DACH2: variants seen among roughly 807,000 people sequenced by gnomAD.
The protein encoded by DACH2 is dachshund family transcription factor 2.
DACH2 carries 17 observed loss-of-function variants against 35.8 expected under a neutral mutation model. The observed-to-expected ratio is 0.48, with a 90% CI of 0.33 to 0.71. DACH2 has a LOEUF of 0.71. DACH2 is among the 30% of genes least tolerant of loss of function. The probability of loss-of-function intolerance (pLI) is 0.02; values close to 1 mark genes in which losing one functional copy is unlikely to be tolerated. For missense variants in DACH2, 469 were observed against 472.7 expected, an observed-to-expected ratio of 0.99 and a Z score of 0.07; for synonymous variants, 195 against 177.3, an observed-to-expected ratio of 1.10 and a Z score of -0.79.
intron 3 of DACH2, among the ~76,000 whole-genome samples, chrX:86,608,985 T>A (rs1376004074): frequency 9.0e-6 from 1 of 111,553 alleles, no homozygotes; most frequent in Non-Finnish European, 1.9e-5. Flanking sequence ...TTCTATAATA[T>A]CCTTGTGCTT....
intron 3 of DACH2, among the ~76,000 whole-genome samples, chrX:86,610,422 C>CTTTCTTTCTTTCTTTCTTTCTT (rs1569452360): frequency 2.0e-4 from 9 of 45,877 alleles, no homozygotes; most frequent in African/African-American, 3.1e-4. Context: ...TCTTTCTTTT[C>CTTTCTTTCTTTCTTTCTTTCTT]TTTCTTTCTT....
At chrX:86,188,692 T>A (rs1230480765) in intron 1 of DACH2, among the ~76,000 whole-genome samples, 1 of 110,932 alleles carries the variant, frequency 9.0e-6, no homozygotes, top group East Asian at 2.9e-4. Flanking sequence ...AAGCAAGAGG[T>A]TGGAGTGATG....
chrX:86,650,962 AC>A, intron 3 of DACH2, 73 bp from the exon 4 acceptor site: 1 of 958,799 alleles, frequency 1.0e-6, no homozygotes. Flanking sequence ...CTGCACTTGT[AC>A]CCCCAAATCT....
chrX:86,734,671 A>G (rs2041576130), intron 6 of DACH2, among the ~76,000 whole-genome samples: 1 of 111,653 alleles, frequency 9.0e-6, no homozygotes, highest in African/African-American at 3.2e-5. Flanking sequence ...GAATTGGTTC[A>G]TAAAGATCCA....
At chrX:86,252,466 A>G (rs748228963) in intron 1 of DACH2, among the ~76,000 whole-genome samples, 70 of 111,456 alleles carry the variant, frequency 6.3e-4, no homozygotes, top group Non-Finnish European at 1.0e-3. Context: ...TATAATTTTT[A>G]TAGGCTTAGG....
chrX:86,414,930 T>C (rs901664428), intron 2 of DACH2, among the ~76,000 whole-genome samples: 1 of 111,674 alleles, frequency 9.0e-6, no homozygotes, highest in Non-Finnish European at 1.9e-5. Context: ...ACAGGACTTA[T>C]AGGACTCAAA....
chrX:86,627,541 A>G (rs1364960127), intron 3 of DACH2, among the ~76,000 whole-genome samples: 1 of 111,798 alleles, frequency 8.9e-6, no homozygotes, highest in Non-Finnish European at 1.9e-5. Flanking sequence ...AGCTTAATTT[A>G]GGTACTGTCT....
chrX:86,212,894 C>A (rs1401325798), intron 1 of DACH2, among the ~76,000 whole-genome samples: 1 of 111,127 alleles, frequency 9.0e-6, no homozygotes, highest in Non-Finnish European at 1.9e-5. Flanking sequence ...ACCCAGGAGG[C>A]ACAAAAGTCA....
chrX:86,209,848 G>A (rs760326211), intron 1 of DACH2, among the ~76,000 whole-genome samples: 2 of 110,968 alleles, frequency 1.8e-5, no homozygotes, highest in Non-Finnish European at 3.8e-5. Flanking sequence ...ACAACAGAGT[G>A]ATAAATATAG....
chrX:86,538,455 C>A lies in DACH2; in HGVS notation c.640+24064C>A, dbSNP rs190548408. Among the ~76,000 whole-genome samples the A allele has an allele frequency of 2.7e-5, 3 of 111,852 alleles. No individual in the cohort carries two copies. The East Asian group carries it at 8.4e-4, about 31-fold the overall frequency. ...CTTGTTATTAACAATAGCCCCACTTCTCAGCAATAATTTTCTATCTTAGTT... is the reference window on the plus strand; with the variant it reads ...CTTGTTATTAACAATAGCCCCACTTATCAGCAATAATTTTCTATCTTAGTT... On this transcript the variant is annotated intron_variant, in intron 3 of 11. Coordinates refer to ENST00000373125, the MANE Select transcript of DACH2 (RefSeq NM_053281.3).
At chrX:86,453,588 T>A (rs1035359262) in intron 2 of DACH2, among the ~76,000 whole-genome samples, 2 of 110,812 alleles carry the variant, frequency 1.8e-5, no homozygotes, top group African/African-American at 3.3e-5. Flanking sequence ...GTCTTTTTTT[T>A]ATCTTTGTTG....
At chrX:86,525,397 T>C (rs1039606658) in intron 3 of DACH2, among the ~76,000 whole-genome samples, 2 of 111,796 alleles carry the variant, frequency 1.8e-5, no homozygotes, top group African/African-American at 6.5e-5. Flanking sequence ...CTCCTTCTTA[T>C]AGTAGTTTAC....
Position 86,377,332 on chromosome X carries a change from A to C in DACH2, c.527+470A>C, listed in dbSNP as rs753597913. On this transcript the variant is annotated intron_variant, in intron 2 of 11. Coordinates refer to ENST00000373125, the MANE Select transcript of DACH2 (RefSeq NM_053281.3). ...TCTAATCTTCTGAGTCATTCTAAGC[A>C]TTAGGCACAGATATGTGTTGTAGGC... Among the ~76,000 whole-genome samples, 17 of 111,737 alleles carry C rather than the reference A, an allele frequency of 1.5e-4. No homozygotes were observed. The South Asian group carries it at 5.8e-3, about 38-fold the overall frequency.
chrX:86,564,957 C>T (rs1252954591), intron 3 of DACH2, among the ~76,000 whole-genome samples: 1 of 111,209 alleles, frequency 9.0e-6, no homozygotes, highest in Non-Finnish European at 1.9e-5. Context: ...TATGCAGTTT[C>T]TCCACCCGCT....
At chrX:86,399,680 C>A (rs2036381829) in intron 2 of DACH2, among the ~76,000 whole-genome samples, 1 of 111,521 alleles carries the variant, frequency 9.0e-6, no homozygotes, top group Non-Finnish European at 1.9e-5. Context: ...GTTGAAAATT[C>A]TTTTCTTTAA....
intron 1 of DACH2, among the ~76,000 whole-genome samples, chrX:86,315,557 C>G (rs955442946): frequency 1.8e-5 from 2 of 111,615 alleles, no homozygotes; most frequent in East Asian, 5.7e-4. Context: ...CCATTGAACA[C>G]CTTCAGGAAA....
chrX:86,829,031 G>A (rs750582343), intron 11 of DACH2: 29 of 111,857 alleles, frequency 2.6e-4, no homozygotes, highest in African/African-American at 8.7e-4. Context: ...GTTCCCCATG[G>A]CAGTACATGC....
chrX:86,631,350 T>C (rs1408158564), intron 3 of DACH2, among the ~76,000 whole-genome samples: 1 of 112,156 alleles, frequency 8.9e-6, no homozygotes, highest in African/African-American at 3.2e-5. Flanking sequence ...TTGTAGAGAA[T>C]TTCTAAATTG....
Position 86,552,636 on chromosome X carries a change from C to T in DACH2, c.640+38245C>T, listed in dbSNP as rs149185258. Reference sequence around the variant, plus strand: ...AAATGCATGGTATGCCTGACTTTAGCTGCACATGTAGTCAAGTGTACTATA... The same window carrying T: ...AAATGCATGGTATGCCTGACTTTAGTTGCACATGTAGTCAAGTGTACTATA... On this transcript the variant is annotated intron_variant, in intron 3 of 11. Transcript: ENST00000373125. 2.3e-4 allele frequency among the ~76,000 whole-genome samples: 26 copies of T among 112,216 alleles called. No individual in the cohort carries two copies. In the East Asian group the frequency reaches 6.5e-3, roughly 28 times the overall value.
Sources: allele counts gnomAD v4.1 joint callset (sites outside exome capture counted in the v4.1 genomes callset), GRCh38; gene constraint gnomAD v4.1.1; transcripts MANE v1.5; gene names NCBI Gene and HGNC (gene_info 2026-07-23, HGNC 2026-07-21).